The following TBC1D24 variants were observed in gnomAD, a reference collection of about 807,000 sequenced individuals.
The protein encoded by TBC1D24 is TBC1 domain family member 24, also known as Infantile myoclonic epilepsy.
A neutral mutation model predicts 50.7 loss-of-function variants in TBC1D24; 47 were observed. The observed-to-expected ratio is 0.93, with a 90% CI of 0.73 to 1.18. The LOEUF is 1.18. Among genes scored for constraint, TBC1D24 ranks in the 50% most tolerant of loss-of-function variants. The pLI, the probability that TBC1D24 is intolerant of heterozygous loss-of-function variation, is 0.00. For synonymous variants in TBC1D24, 324 were observed against 335.2 expected, an observed-to-expected ratio of 0.97 and a Z score of 0.36; for missense variants, 688 against 766.5, an observed-to-expected ratio of 0.90 and a Z score of 1.21.
At position 2,498,405 on chromosome 16, in the gene TBC1D24, C is replaced by G. The variant is rs1035240012; in HGVS notation, c.1142+9C>G. On this transcript the variant is annotated intron_variant, in intron 4 of 7. Transcript: ENST00000646147. ...GGGTACAGCCTGGCCAGGTAACACCCCAAGGGGCCAGAGCGGGCGGCAGAG... is the reference window on the plus strand; with the variant it reads ...GGGTACAGCCTGGCCAGGTAACACCGCAAGGGGCCAGAGCGGGCGGCAGAG... 1 of 1,599,698 alleles carries G rather than the reference C, an allele frequency of 6.3e-7. No homozygotes were observed. The highest frequency in any genetic ancestry group is 8.5e-7 in the Non-Finnish European group (1 of 1,173,566).
chr16:2,490,889 G>A (rs1455992207), intron 1 of TBC1D24, among the ~76,000 whole-genome samples: 4 of 152,226 alleles, frequency 2.6e-5, no homozygotes, highest in East Asian at 3.8e-4. Context: ...TTGGGGGACT[G>A]CAGGGAACAG....
rs1461817951 is a variant in TBC1D24, at chr16:2,475,674, C to A, written c.-116+504C>A. Among the ~76,000 whole-genome samples the A allele has an allele frequency of 1.3e-5, 2 of 152,138 alleles. No individual in the cohort carries two copies. Among genetic ancestry groups the A allele is most frequent in the Admixed American group, 6.5e-5 (1 of 15,286 alleles). On this transcript the variant is annotated intron_variant, in intron 1 of 7. Coordinates refer to ENST00000646147, the MANE Select transcript of TBC1D24 (RefSeq NM_001199107.2). This position sits in a 1 kb window ranked among gnomAD's most constrained non-coding sequence, Gnocchi z 4.2. ...CACCCGCTTGGGGGTCCGCCAGCCC[C>A]CGGCCCTGTCCAGTGGGGGGCCCCT...
Position 2,500,530 on chromosome 16 carries a change from G to T in TBC1D24, c.1525+40G>T, listed in dbSNP as rs777599512. On this transcript the variant is annotated intron_variant, in intron 7 of 7. Coordinates refer to ENST00000646147, the MANE Select transcript of TBC1D24 (RefSeq NM_001199107.2). This position sits in a 1 kb window ranked among gnomAD's most constrained non-coding sequence, Gnocchi z 8.0. ...ACGGGGCTCTGGGATGAGGGTGTGGGGTCCGGGCAGCTGAAGCTGCTGCAC... is the reference window on the plus strand; with the variant it reads ...ACGGGGCTCTGGGATGAGGGTGTGGTGTCCGGGCAGCTGAAGCTGCTGCAC... The T allele has an allele frequency of 4.3e-5, 65 of 1,529,186 alleles. No individual in the cohort carries two copies. The highest frequency in any genetic ancestry group is 4.5e-5 in the Non-Finnish European group (51 of 1,136,900). The allele number at this position is 1,529,186 out of a possible 1,614,324, so 94.7% of individuals were successfully genotyped here. A position where few individuals can be genotyped will look rare whatever the true frequency, so the allele number is the denominator to read the frequency against.
chr16:2,494,026 G>A (rs1421073536), intron 1 of TBC1D24, among the ~76,000 whole-genome samples: 1 of 151,950 alleles, frequency 6.6e-6, no homozygotes, highest in African/African-American at 2.4e-5. Context: ...CTTTCAAGCT[G>A]GTGGTTTTAG....
chr16:2,479,413 G>T (rs994899271), intron 1 of TBC1D24: 1 of 152,252 alleles, frequency 6.6e-6, no homozygotes, highest in Non-Finnish European at 1.5e-5. Context: ...TTCTCAGACC[G>T]AGAGACCCAA....
intron 1 of TBC1D24, chr16:2,478,287 C>T (rs1264249130): frequency 6.6e-6 from 1 of 152,194 alleles, no homozygotes; most frequent in Non-Finnish European, 1.5e-5. Context: ...CTGCACTCCA[C>T]CCTGGTCAAC....
intron 4 of TBC1D24, among the ~76,000 whole-genome samples, chr16:2,498,613 C>T (rs1003686996): frequency 2.0e-5 from 3 of 152,238 alleles, no homozygotes; most frequent in Non-Finnish European, 2.9e-5. Flanking sequence ...GCCATGCAGG[C>T]GTCGTGAAGA....
intron 1 of TBC1D24, among the ~76,000 whole-genome samples, chr16:2,491,611 G>A (rs781767647): frequency 1.3e-5 from 2 of 149,474 alleles, no homozygotes; most frequent in South Asian, 2.1e-4. Context: ...CTAGAGTGCA[G>A]TGGCTCCATC....
rs887729624 is a variant in TBC1D24 at position 2,503,522 on chromosome 16, A to G, written c.*2564A>G. 2 of 150,446 alleles carry G rather than the reference A, an allele frequency of 1.3e-5. No individual in the cohort carries two copies. The highest frequency in any genetic ancestry group is 3.0e-5 in the Non-Finnish European group (2 of 67,718). The allele number at this position is 150,446 out of a possible 1,614,324, so 9.3% of individuals were successfully genotyped here. On this transcript the variant is annotated 3_prime_UTR_variant, in exon 8 of 8. Transcript: ENST00000646147. ...AAGCCAACATTTGTTGAAACTGCAT[A>G]ATAAATTATCATTTGTTTTTAGAAA...
At chr16:2,476,775 C>T (rs1036852145) in intron 1 of TBC1D24, 4 of 152,226 alleles carry the variant, frequency 2.6e-5, no homozygotes, top group African/African-American at 9.6e-5. Flanking sequence ...TGAGGGTGAC[C>T]TTCCGAGATG....
rs897270322 is a variant in TBC1D24 at position 2,487,473 on chromosome 16, G to A, written c.-115-8561G>A. Among the ~76,000 whole-genome samples, 3 of 152,246 alleles carry A rather than the reference G, an allele frequency of 2.0e-5. No individual in the cohort carries two copies. Among genetic ancestry groups the A allele is most frequent in the Admixed American group, 2.0e-4 (3 of 15,286 alleles). Reference sequence around the variant, plus strand: ...TAAAATGTCATCAATGAGGCTAAATGTGTGTTCTGTCTTTGTACATGAAAG... The same window carrying A: ...TAAAATGTCATCAATGAGGCTAAATATGTGTTCTGTCTTTGTACATGAAAG... On this transcript the variant is annotated intron_variant, in intron 1 of 7. Transcript: ENST00000646147. The surrounding 1 kb of genome is among the most constrained non-coding windows in gnomAD (Gnocchi z 4.1).
rs566209094 is a variant in TBC1D24 at position 2,483,979 on chromosome 16, C to T, written c.-116+8809C>T. On this transcript the variant is annotated intron_variant, in intron 1 of 7. Transcript: ENST00000646147. This position sits in a 1 kb window ranked among gnomAD's most constrained non-coding sequence, Gnocchi z 4.0. ...GACATGGTCCTATAGCTGAGGGTCT[C>T]ACCAGGCAGTGGGGGCACAGGTCAG... 6.6e-6 allele frequency: 1 copy of T among 152,422 alleles called. No homozygotes were observed. The highest frequency in any genetic ancestry group is 1.9e-4 in the East Asian group (1 of 5,182). The allele number at this position is 152,422 out of a possible 1,614,324, so 9.4% of individuals were successfully genotyped here.
rs370223895 is a variant in TBC1D24, at chr16:2,483,191, C to A, written c.-116+8021C>A. ...CTTTCTTGGGGTAGAGTGGGTGGGA[C>A]GGGGCAGCTGTGAGCTGGAGAGGAG... On this transcript the variant is annotated intron_variant, in intron 1 of 7. Transcript: ENST00000646147. This position sits in a 1 kb window ranked among gnomAD's most constrained non-coding sequence, Gnocchi z 4.0. 3 of 152,246 alleles carry A rather than the reference C, an allele frequency of 2.0e-5. No homozygotes were observed. The highest frequency in any genetic ancestry group is 4.4e-5 in the Non-Finnish European group (3 of 68,210). 9.4% of individuals were successfully genotyped at this position (152,246 alleles called of 1,614,324 possible).
intron 1 of TBC1D24, chr16:2,481,216 A>G (rs934168124): frequency 1.3e-5 from 2 of 152,240 alleles, no homozygotes. Flanking sequence ...TACCTGGCAC[A>G]CTGGCATTCG....
rs1027114940 is a variant in TBC1D24, at chr16:2,482,535, C to T, written c.-116+7365C>T. ...AGTTGGCACTGTGTGGCCAGGGCTCCGGAAGCTGTTGTCCGAGGGGCAGGG... is the reference window on the plus strand; with the variant it reads ...AGTTGGCACTGTGTGGCCAGGGCTCTGGAAGCTGTTGTCCGAGGGGCAGGG... On this transcript the variant is annotated intron_variant, in intron 1 of 7. Transcript: ENST00000646147. The surrounding 1 kb of genome is among the most constrained non-coding windows in gnomAD (Gnocchi z 5.2). Among the ~76,000 whole-genome samples, 5 of 152,176 alleles carry T rather than the reference C, an allele frequency of 3.3e-5. No individual in the cohort carries two copies. The highest frequency in any genetic ancestry group is 2.1e-4 in the South Asian group (1 of 4,818).
In TBC1D24 at chr16:2,502,101, G is replaced by A. The variant is rs1392850724; in HGVS notation, c.*1143G>A. 2 of 152,692 alleles carry A rather than the reference G, an allele frequency of 1.3e-5. No individual in the cohort carries two copies. Among genetic ancestry groups the A allele is most frequent in the Non-Finnish European group, 2.9e-5 (2 of 68,352 alleles). 9.5% of individuals were successfully genotyped at this position (152,692 alleles called of 1,614,324 possible). A position where few individuals can be genotyped will look rare whatever the true frequency, so the allele number is the denominator to read the frequency against. On this transcript the variant is annotated 3_prime_UTR_variant, in exon 8 of 8. Coordinates refer to ENST00000646147, the MANE Select transcript of TBC1D24 (RefSeq NM_001199107.2). ...ATGTCCTCCCTCTGTCCCTCTTGTG[G>A]TGCTGTGGCTGGCCACGTGTCAGGG...
chr16:2,491,608 G>A (rs1410076922), intron 1 of TBC1D24, among the ~76,000 whole-genome samples: 1 of 148,290 alleles, frequency 6.7e-6, no homozygotes, highest in African/African-American at 2.5e-5. Flanking sequence ...AGTCTAGAGT[G>A]CAGTGGCTCC....
In TBC1D24 at chr16:2,486,896, C is replaced by T. The variant is rs1384589445; in HGVS notation, c.-115-9138C>T. ...GGTCCTGTGGGATCCAACCCTGAGC[C>T]ATCTCTGGGGGTCCCCTCATCTTCT... On this transcript the variant is annotated intron_variant, in intron 1 of 7. Coordinates refer to ENST00000646147, the MANE Select transcript of TBC1D24 (RefSeq NM_001199107.2). This position sits in a 1 kb window ranked among gnomAD's most constrained non-coding sequence, Gnocchi z 5.8. Among the ~76,000 whole-genome samples, 2 of 152,226 alleles carry T rather than the reference C, an allele frequency of 1.3e-5. No homozygotes were observed.
intron 1 of TBC1D24, among the ~76,000 whole-genome samples, chr16:2,490,844 G>A (rs966230234): frequency 4.6e-5 from 7 of 152,182 alleles, no homozygotes; most frequent in African/African-American, 1.7e-4. Context: ...CTCCCTCCCC[G>A]GCCACCGCCT....
Sources: allele counts gnomAD v4.1 joint callset (sites outside exome capture counted in the v4.1 genomes callset), GRCh38; gene constraint gnomAD v4.1.1; non-coding constraint Gnocchi (gnomAD v3.1); transcripts MANE v1.5; gene names NCBI Gene and HGNC (gene_info 2026-07-23, HGNC 2026-07-21).